Variants in MALRD1 observed in about 807,000 individuals in gnomAD.
MALRD1 encodes MAM and LDL receptor class A domain containing 1.
Under a neutral mutation model 242.1 loss-of-function variants are expected in MALRD1, and 247 were observed. That is an observed-to-expected ratio of 1.02 (90% CI 0.92 to 1.13). The LOEUF (loss-of-function observed/expected upper bound fraction) is 1.13, where lower values mean the gene tolerates loss of function less well. Ranked by LOEUF, MALRD1 falls within the 50% of genes most tolerant of loss-of-function variation. The probability of loss-of-function intolerance (pLI) is 0.00; values close to 1 mark genes in which losing one functional copy is unlikely to be tolerated. For synonymous variants in MALRD1, 995 were observed against 866.6 expected (o/e 1.15, Z -2.60); for missense variants, 2,989 against 2,533.1 (o/e 1.18, Z -3.86).
chr10:19,157,202 T>G (rs1381180497), intron 12 of MALRD1, among the ~76,000 whole-genome samples: 2 of 152,108 alleles, frequency 1.3e-5, no homozygotes, highest in African/African-American at 2.4e-5. Flanking sequence ...TCAGGATTTT[T>G]CTAAGACTAT....
At chr10:19,284,576 T>G (rs994514724) in intron 21 of MALRD1, among the ~76,000 whole-genome samples, 11 of 151,596 alleles carry the variant, frequency 7.3e-5, no homozygotes, top group African/African-American at 1.7e-4. Flanking sequence ...ACAAAGGACA[T>G]GAACTCATCA....
intron 36 of MALRD1, among the ~76,000 whole-genome samples, chr10:19,640,075 A>G (rs1281130523): frequency 6.6e-6 from 1 of 151,890 alleles, no homozygotes; most frequent in Non-Finnish European, 1.5e-5. Flanking sequence ...GGGATGCTTC[A>G]TTGTCTTCTT....
intron 28 of MALRD1, among the ~76,000 whole-genome samples, chr10:19,439,597 A>G (rs1260254470): frequency 6.6e-6 from 1 of 152,152 alleles, no homozygotes; most frequent in Non-Finnish European, 1.5e-5. Context: ...CAGGAACAAT[A>G]TAATTAAAAG....
intron 22 of MALRD1, 116 bp from the exon 23 acceptor site, chr10:19,327,447 A>G: frequency 2.9e-6 from 2 of 692,798 alleles, no homozygotes; most frequent in Non-Finnish European, 4.9e-6. Flanking sequence ...TCTTCTCTCC[A>G]GGACTTCATG....
chr10:19,596,036 GC>G, intron 34 of MALRD1, among the ~76,000 whole-genome samples: 1 of 152,234 alleles, frequency 6.6e-6, no homozygotes. Flanking sequence ...TTTAAGTGCT[GC>G]CAATTTCATT....
At chr10:19,463,631 T>A (rs1310146286) in intron 29 of MALRD1, among the ~76,000 whole-genome samples, 1 of 151,840 alleles carries the variant, frequency 6.6e-6, no homozygotes, top group African/African-American at 2.4e-5. Flanking sequence ...TGGTGGGCAT[T>A]TGGTTACATA....
At chr10:19,581,829 C>T (rs1424370146) in intron 33 of MALRD1, among the ~76,000 whole-genome samples, 2 of 151,544 alleles carry the variant, frequency 1.3e-5, no homozygotes, top group Non-Finnish European at 2.9e-5. Flanking sequence ...AGTTGACAGT[C>T]CCACCAACAG....
In MALRD1 at chr10:19,231,137, G is replaced by A. The variant is rs190489213; in HGVS notation, c.2991+21457G>A. On this transcript the variant is annotated intron_variant, in intron 18 of 39. Transcript: ENST00000454679. The stretch of plus-strand genomic sequence containing the variant: ...TGATGTCCATCCTTGGGGACAACTC[G>A]TATCTGAAGAATGGCCAGTGAAAGG... Among the ~76,000 whole-genome samples, 293 of 152,202 alleles carry A rather than the reference G, an allele frequency of 1.9e-3. 1 individual carries two copies. The highest frequency in any genetic ancestry group is 7.4e-3 in the Admixed American group (113 of 15,280).
rs1334693730 is a variant in MALRD1 at position 19,531,256 on chromosome 10, A to G, written c.5383A>G (p.Ile1795Val). The G allele has an allele frequency of 1.9e-6, 3 of 1,550,514 alleles. No individual in the cohort carries two copies. The highest frequency in any genetic ancestry group is 2.6e-6 in the Non-Finnish European group (3 of 1,146,924). Residue 1795 changes from isoleucine to valine, a missense_variant, in exon 32 of 40, where the codon ATT (isoleucine) becomes GTT (valine). By Grantham distance (29) the Ile-to-Val change is conservative (BLOSUM62 3). Transcript: ENST00000454679. ...SGSKEGSVAR[I>V]TTSKSFPASL... is the part of the protein sequence containing the mutation. The stretch of plus-strand genomic sequence containing the variant: ...CTCCAAGGAAGGATCCGTTGCCAGA[A>G]TTACTACTTCCAAATCCTTCCCAGC...
At chr10:19,462,488 T>C (rs1835996732) in intron 29 of MALRD1, among the ~76,000 whole-genome samples, 1 of 152,250 alleles carries the variant, frequency 6.6e-6, no homozygotes, top group East Asian at 1.9e-4. Context: ...TACAGTGAAG[T>C]GTTCTCCCTT....
chr10:19,057,285 A>T (rs567348100), intron 1 of MALRD1, among the ~76,000 whole-genome samples: 16 of 152,270 alleles, frequency 1.1e-4, no homozygotes, highest in Non-Finnish European at 2.1e-4. Context: ...TACATTTATT[A>T]GTTGCTGGCA....
At chr10:19,389,708 T>TCTC in intron 28 of MALRD1, 99 bp downstream of exon 28, 1 of 1,278,230 alleles carries the variant, frequency 7.8e-7, no homozygotes, top group South Asian at 1.5e-5. Flanking sequence ...GGTGCAGTCA[T>TCTC]GGCTTACTGC....
intron 28 of MALRD1, among the ~76,000 whole-genome samples, chr10:19,438,852 T>C (rs1157562503): frequency 6.6e-6 from 1 of 152,154 alleles, no homozygotes; most frequent in Non-Finnish European, 1.5e-5. Context: ...GTGTGAATAA[T>C]GTTCAGTAAA....
rs200064824 is a variant in MALRD1, at chr10:19,270,269, C to T, written c.3080-9778C>T. 7.2e-5 allele frequency among the ~76,000 whole-genome samples: 11 copies of T among 151,768 alleles called. No individual in the cohort carries two copies. In the East Asian group the frequency reaches 1.8e-3, roughly 24 times the overall value. ...GGCAGAAGTTGCAGTGATTTGAGAT[C>T]GCGCCACTGCACTCCAGCCTGGGCC... On this transcript the variant is annotated intron_variant, in intron 19 of 39. Transcript: ENST00000454679.
intron 24 of MALRD1, among the ~76,000 whole-genome samples, chr10:19,337,338 T>A (rs1415147724): frequency 6.6e-6 from 1 of 152,118 alleles, no homozygotes; most frequent in Admixed American, 6.6e-5. Flanking sequence ...AAATATTAAG[T>A]AGCACAGTAA....
At chr10:19,092,168 C>T (rs1454282473) in intron 4 of MALRD1, among the ~76,000 whole-genome samples, 4 of 11,082 alleles carry the variant, frequency 3.6e-4, no homozygotes, top group Admixed American at 3.4e-3. Context: ...TCTCATTGAT[C>T]TGTCTAATGT....
At chr10:19,695,654 G>C (rs369637435) in intron 38 of MALRD1, among the ~76,000 whole-genome samples, 1 of 151,680 alleles carries the variant, frequency 6.6e-6, no homozygotes, top group African/African-American at 2.4e-5. Flanking sequence ...TGAGTAGCTG[G>C]GATTACAGGT....
At chr10:19,386,008 T>C (rs1050456961) in intron 26 of MALRD1, among the ~76,000 whole-genome samples, 1 of 152,130 alleles carries the variant, frequency 6.6e-6, no homozygotes, top group Non-Finnish European at 1.5e-5. Context: ...AATGGCTTCA[T>C]AATACAAAGT....
At chr10:19,525,135 G>A (rs887259686) in intron 31 of MALRD1, among the ~76,000 whole-genome samples, 2 of 149,784 alleles carry the variant, frequency 1.3e-5, no homozygotes, top group East Asian at 2.0e-4. Flanking sequence ...GGCTGGTCTC[G>A]AGCTCCTGCC....
Sources: gnomAD v4.1 joint callset for allele counts (sites outside exome capture counted in the v4.1 genomes callset) on GRCh38, gnomAD v4.1.1 for gene constraint, MANE v1.5 for transcripts, NCBI Gene and HGNC (gene_info 2026-07-23, HGNC 2026-07-21) for gene names.